TRMT1L: variants seen among roughly 807,000 people sequenced by gnomAD.
TRMT1L encodes tRNA methyltransferase 1L.
Under a neutral mutation model 81.6 loss-of-function variants are expected in TRMT1L, and 28 were observed. The observed-to-expected ratio is 0.34, with a 90% confidence interval of 0.25 to 0.47. TRMT1L has a LOEUF of 0.47. Ranked by LOEUF, TRMT1L falls within the 20% of genes least tolerant of loss-of-function variation. TRMT1L has a pLI of 1.00. For synonymous variants in TRMT1L, 301 were observed against 303.2 expected, an observed-to-expected ratio of 0.99 and a Z score of 0.07; for missense variants, 739 against 877.1, an observed-to-expected ratio of 0.84 and a Z score of 1.99.
At chr1:185,137,577 GATAAAC>G in intron 10 of TRMT1L, 23 bp downstream of exon 10, 4 of 1,595,742 alleles carry the variant, frequency 2.5e-6, no homozygotes, top group Non-Finnish European at 3.4e-6. Context: ...GAGGATTATA[GATAAAC>G]ATAATATATA....
chr1:185,150,599 CT>C, intron 2 of TRMT1L, 107 bp from the exon 3 acceptor site: 1 of 733,462 alleles, frequency 1.4e-6, no homozygotes. Context: ...TTCTTAAAGT[CT>C]TTCTTAACTT....
intron 3 of TRMT1L, among the ~76,000 whole-genome samples, 178 bp downstream of exon 3, chr1:185,150,201 A>C (rs550984239): frequency 1.3e-5 from 2 of 152,296 alleles, no homozygotes; most frequent in East Asian, 3.9e-4. Flanking sequence ...TGTCATATAG[A>C]TCTCTACTGC....
chr1:185,140,982 A>C (rs1181506914), intron 7 of TRMT1L, among the ~76,000 whole-genome samples: 1 of 151,742 alleles, frequency 6.6e-6, no homozygotes, highest in Non-Finnish European at 1.5e-5. Context: ...AAAAAAAAAA[A>C]AAACAACAAA....
chr1:185,155,025 AAAT>A (rs764180022), intron 1 of TRMT1L, among the ~76,000 whole-genome samples: 6 of 152,218 alleles, frequency 3.9e-5, no homozygotes, highest in Non-Finnish European at 7.3e-5. Context: ...GATCAACTAA[AAAT>A]AATGTTTAAA....
Position 185,156,486 on chromosome 1 carries a change from G to T in TRMT1L, c.227C>A (p.Ala76Asp). 1 of 1,613,922 alleles carries T rather than the reference G, an allele frequency of 6.2e-7. No homozygotes were observed. The highest frequency in any genetic ancestry group is 8.5e-7 in the Non-Finnish European group (1 of 1,179,890). Reference sequence around the variant, plus strand: ...GGGCCTTCTGCACTTACTGCTTTTAGCCTCCTCAGGGGCAGAGGCTAGGGA... The same window carrying T: ...GGGCCTTCTGCACTTACTGCTTTTATCCTCCTCAGGGGCAGAGGCTAGGGA... ...SPSLASAPEE[A>D]KSKRHISIQR... The change falls in exon 1 of 15, where the codon GCT becomes GAT. Residue 76 changes from alanine (A) to aspartate (D), a missense_variant. Ala to Asp is a moderately radical substitution (Grantham distance 126). Around this residue, in one of 4 missense-constraint regions of TRMT1L, gnomAD observed 209 missense variants for 165.4 expected, o/e 1.26. Coordinates refer to ENST00000367506, the MANE Select transcript of TRMT1L (RefSeq NM_030934.5).
At chr1:185,142,113 T>C (rs1653065479) in intron 7 of TRMT1L, among the ~76,000 whole-genome samples, 1 of 152,146 alleles carries the variant, frequency 6.6e-6, no homozygotes, top group African/African-American at 2.4e-5. Context: ...AAATTTCAAA[T>C]CCAAGCGACT....
intron 3 of TRMT1L, among the ~76,000 whole-genome samples, chr1:185,149,885 T>C (rs1653294191): frequency 6.7e-6 from 1 of 150,098 alleles, no homozygotes; most frequent in Non-Finnish European, 1.5e-5. Flanking sequence ...TATTTGTTTG[T>C]TTCCATTTAT....
intron 4 of TRMT1L, among the ~76,000 whole-genome samples, chr1:185,146,093 G>GTT (rs1237278024): frequency 6.6e-6 from 1 of 151,936 alleles, no homozygotes; most frequent in African/African-American, 2.4e-5. Flanking sequence ...GTAAATAACT[G>GTT]TAAGTGCACA....
chr1:185,145,409 T>C lies in TRMT1L; in HGVS notation c.655+30A>G, dbSNP rs374382240. Reference sequence around the variant, plus strand: ...GGACCATTATTTAAGGATTTACATATTAATATGTTAATGAGATTGCTCAAC... The same window carrying C: ...GGACCATTATTTAAGGATTTACATACTAATATGTTAATGAGATTGCTCAAC... On this transcript the variant is annotated intron_variant, in intron 5 of 14. Coordinates refer to ENST00000367506, the MANE Select transcript of TRMT1L (RefSeq NM_030934.5). 1.1e-5 allele frequency: 18 copies of C among 1,587,396 alleles called. No homozygotes were observed. In the African/African-American group the frequency reaches 2.3e-4, roughly 20 times the overall value.
intron 3 of TRMT1L, among the ~76,000 whole-genome samples, chr1:185,149,835 C>T (rs1224882725): frequency 6.6e-6 from 1 of 151,880 alleles, no homozygotes; most frequent in African/African-American, 2.4e-5. Flanking sequence ...TGAACTTATT[C>T]CCTCAAATTG....
rs1653003648 is a variant in TRMT1L, at chr1:185,140,292, A to G, written c.860-70T>C. ...TTTAAAGAATAAAAATGGTATAACA[A>G]CATTCAGTTTTATAAATAACAAATT... On this transcript the variant is annotated intron_variant, in intron 7 of 14. Coordinates refer to ENST00000367506, the MANE Select transcript of TRMT1L (RefSeq NM_030934.5). 12 of 1,222,206 alleles carry G rather than the reference A, an allele frequency of 9.8e-6. No homozygotes were observed. The South Asian group carries it at 1.9e-4, about 19-fold the overall frequency. 75.7% of individuals were successfully genotyped at this position (1,222,206 alleles called of 1,614,324 possible).
chr1:185,156,450 C>G, intron 1 of TRMT1L, 28 bp downstream of exon 1: 1 of 1,613,762 alleles, frequency 6.2e-7, no homozygotes, highest in Admixed American at 1.7e-5. Flanking sequence ...TCTTCTGCAG[C>G]AGAAAGATCT....
intron 11 of TRMT1L, 27 bp downstream of exon 11, chr1:185,128,642 A>G (rs1284471951): frequency 5.6e-6 from 9 of 1,598,686 alleles, no homozygotes; most frequent in Non-Finnish European, 7.7e-6. Context: ...ATCAAATTTT[A>G]ATATGTTCTT....
chr1:185,128,613 T>A, intron 11 of TRMT1L, 56 bp downstream of exon 11: 1 of 1,496,730 alleles, frequency 6.7e-7, no homozygotes, highest in Non-Finnish European at 9.3e-7. Flanking sequence ...AAATCAGCAA[T>A]TAATAAATCA....
Position 185,156,704 on chromosome 1 carries a change from A to AG in TRMT1L, c.8_9insC (p.Met4TyrfsTer71), listed in dbSNP as rs1557996729. On this transcript the variant is annotated frameshift_variant, in exon 1 of 15. Transcript: ENST00000367506. LOFTEE classifies it high-confidence loss of function. Reference sequence around the variant, plus strand: ...GGGGCAGCAGCTCCTCCTCCGCCATATTCTCCATAGTTACCGCCTCCGTGC... The same window carrying AG: ...GGGGCAGCAGCTCCTCCTCCGCCATAGTTCTCCATAGTTACCGCCTCCGTGC... 1.2e-6 allele frequency: 2 copies of AG among 1,612,434 alleles called. No homozygotes were observed. Among genetic ancestry groups the AG allele is most frequent in the African/African-American group, 2.7e-5 (2 of 74,872 alleles).
chr1:185,139,602 C>T (rs545649436), intron 8 of TRMT1L, 23 bp from the exon 9 acceptor site: 2 of 1,544,758 alleles, frequency 1.3e-6, no homozygotes, highest in South Asian at 1.2e-5. Flanking sequence ...AGAATATAGA[C>T]ATTTTAAAGT....
intron 1 of TRMT1L, among the ~76,000 whole-genome samples, chr1:185,153,564 AG>A (rs1441989413): frequency 6.6e-6 from 1 of 152,220 alleles, no homozygotes; most frequent in Non-Finnish European, 1.5e-5. Context: ...GTTTCAGAGT[AG>A]AAACAGAATT....
chr1:185,146,538 G>C (rs1294582145), intron 4 of TRMT1L, among the ~76,000 whole-genome samples: 1 of 151,962 alleles, frequency 6.6e-6, no homozygotes, highest in East Asian at 1.9e-4. Flanking sequence ...ACCAGGTACT[G>C]TTTTGACTAC....
rs1339252507 is a variant in TRMT1L at position 185,150,363 on chromosome 1, G to A, written c.460+16C>T. 2.5e-6 allele frequency: 4 copies of A among 1,571,418 alleles called. No individual in the cohort carries two copies. The highest frequency in any genetic ancestry group is 1.1e-5 in the South Asian group (1 of 87,960). ...TTTCATATATATTACTTCTTTGCAA[G>A]CACAAAAATACTAACCTTCAAATTC... On this transcript the variant is annotated intron_variant, in intron 3 of 14. Transcript: ENST00000367506.
Sources: allele counts gnomAD v4.1 joint callset (sites outside exome capture counted in the v4.1 genomes callset), GRCh38; gene constraint gnomAD v4.1.1; regional missense constraint gnomAD v4.1.1; transcripts MANE v1.5; gene names NCBI Gene and HGNC (gene_info 2026-07-23, HGNC 2026-07-21).